AK3: variants seen among roughly 807,000 people sequenced by gnomAD.
AK3 encodes adenylate kinase 3.
AK3 carries 27 observed loss-of-function variants against 23.7 expected under a neutral mutation model. The observed-to-expected ratio is 1.14, with a 90% CI of 0.84 to 1.57. The LOEUF is 1.57. AK3 is among the 40% of genes most tolerant of loss of function. The pLI is 0.00. For synonymous variants in AK3, 159 were observed against 116.0 expected, an observed-to-expected ratio of 1.37 and a Z score of -2.38; for missense variants, 406 against 285.6, an observed-to-expected ratio of 1.42 and a Z score of -3.04.
At chr9:4,724,115 G>C (rs1190553995) in intron 1 of AK3, among the ~76,000 whole-genome samples, 1 of 152,200 alleles carries the variant, frequency 6.6e-6, no homozygotes, top group Non-Finnish European at 1.5e-5. Context: ...TGGATTTGCA[G>C]ACTGCACTTA....
chr9:4,719,435 G>A, intron 2 of AK3, 128 bp from the exon 3 acceptor site: 1 of 857,788 alleles, frequency 1.2e-6, no homozygotes, highest in South Asian at 1.9e-5. Context: ...AAAGGAATGA[G>A]GCTCACCAGG....
At chr9:4,727,008 T>G (rs759976253) in intron 1 of AK3, among the ~76,000 whole-genome samples, 1 of 152,140 alleles carries the variant, frequency 6.6e-6, no homozygotes, top group Non-Finnish European at 1.5e-5. Flanking sequence ...AGTAATACTT[T>G]CAAACGAATC....
chr9:4,740,046 G>C, intron 1 of AK3, among the ~76,000 whole-genome samples: 1 of 116,988 alleles, frequency 8.5e-6, no homozygotes, highest in South Asian at 2.8e-4. Context: ...CGTCTATCCT[G>C]TTTGCTATCC....
At chr9:4,723,377 ACTTT>A (rs1416640835) in intron 1 of AK3, among the ~76,000 whole-genome samples, 1 of 152,212 alleles carries the variant, frequency 6.6e-6, no homozygotes, top group Non-Finnish European at 1.5e-5. Flanking sequence ...TATTGGAGAG[ACTTT>A]TCCAATCCTG....
At position 4,730,031 on chromosome 9, in the gene AK3, CAT is replaced by C. The variant is rs149397633; in HGVS notation, c.152-7408_152-7407del. ...AATGAAGTACTGATACATGTTACAGCATAGATGAACCTTCAAACATGCTCAGT... is the reference window on the plus strand; with the variant it reads ...AATGAAGTACTGATACATGTTACAGCAGATGAACCTTCAAACATGCTCAGT... On this transcript the variant is annotated intron_variant, in intron 1 of 4. Coordinates refer to ENST00000381809, the MANE Select transcript of AK3 (RefSeq NM_016282.4). Among the ~76,000 whole-genome samples the C allele has an allele frequency of 6.3e-3, 953 of 152,158 alleles. 18 individuals carry two copies. Among genetic ancestry groups the C allele is most frequent in the African/African-American group, 0.022 (914 of 41,500 alleles).
intron 1 of AK3, among the ~76,000 whole-genome samples, chr9:4,728,034 A>G (rs1233172308): frequency 6.6e-6 from 1 of 152,216 alleles, no homozygotes; most frequent in African/African-American, 2.4e-5. Context: ...ATGGCACCCC[A>G]AAACAATTAT....
intron 2 of AK3, among the ~76,000 whole-genome samples, chr9:4,721,089 A>G (rs1841882980): frequency 2.0e-5 from 3 of 152,152 alleles, no homozygotes; most frequent in African/African-American, 7.2e-5. Flanking sequence ...ATTCTGAACC[A>G]TGCAACATAT....
chr9:4,722,381 T>C, intron 2 of AK3, 125 bp downstream of exon 2: 3 of 1,344,298 alleles, frequency 2.2e-6, no homozygotes, highest in South Asian at 1.4e-5. Flanking sequence ...GGTTTCAGGA[T>C]AGTCCCAAGC....
chr9:4,722,498 C>G lies in AK3; in HGVS notation c.271+8G>C. ...GGGCAGGTGAAATGCTCATGAGACT[C>G]CACTTACCATCCAACAGCCAGCTAT... is the stretch of plus-strand genomic sequence containing the variant. On this transcript the variant is annotated splice_region_variant and intron_variant, in intron 2 of 4. Coordinates refer to ENST00000381809, the MANE Select transcript of AK3 (RefSeq NM_016282.4). The G allele has an allele frequency of 6.2e-7, 1 of 1,614,114 alleles. No individual in the cohort carries two copies. The highest frequency in any genetic ancestry group is 8.5e-7 in the Non-Finnish European group (1 of 1,180,000).
At chr9:4,725,509 C>T (rs1232869558) in intron 1 of AK3, among the ~76,000 whole-genome samples, 1 of 151,996 alleles carries the variant, frequency 6.6e-6, no homozygotes, top group Non-Finnish European at 1.5e-5. Flanking sequence ...TGGCTCCTGC[C>T]TGTAATCCCA....
In AK3 at chr9:4,740,982, G is replaced by C; in HGVS notation, c.106C>G (p.Leu36Val). The C allele has an allele frequency of 6.3e-7, 1 of 1,589,524 alleles. No individual in the cohort carries two copies. The highest frequency in any genetic ancestry group is 8.5e-7 in the Non-Finnish European group (1 of 1,170,182). The change falls in exon 1 of 5, where the codon CTC (leucine) becomes GTC (valine). Residue 36 changes from leucine to valine, a missense_variant. Transcript: ENST00000381809. ...TCCCGGAGCAGGTCCCCGCTGGAGA[G>C]GTGCTTCAGCTCGAAGTGTGTAGTG... ...RITTHFELKH[L>V]SSGDLLRDNM...
intron 1 of AK3, among the ~76,000 whole-genome samples, chr9:4,722,953 G>A (rs1002595358): frequency 2.0e-5 from 3 of 152,144 alleles, no homozygotes; most frequent in Non-Finnish European, 4.4e-5. Flanking sequence ...CTACTTGGGG[G>A]TAGCTTGAAC....
In AK3 at chr9:4,740,799, C is replaced by T. The variant is rs939470353; in HGVS notation, c.151+138G>A. 5.2e-6 allele frequency: 6 copies of T among 1,144,348 alleles called. No homozygotes were observed. In the African/African-American group the frequency reaches 6.6e-5, roughly 13 times the overall value. The allele number at this position is 1,144,348 out of a possible 1,614,324, so 70.9% of individuals were successfully genotyped here. ...TTTTGGGGCGCAGTCGCTCAGCAGC[C>T]CGAGGTCTCTGTCCCGGGCGGCGGG... is the stretch of plus-strand genomic sequence containing the variant. On this transcript the variant is annotated intron_variant, in intron 1 of 4. Transcript: ENST00000381809.
rs189994739 is a variant in AK3 at position 4,718,673 on chromosome 9, G to T, written c.445-136C>A. 1.1e-3 allele frequency: 694 copies of T among 641,330 alleles called. 5 individuals are homozygous for T. The African/African-American group carries it at 0.011, about 10-fold the overall frequency. 39.7% of individuals were successfully genotyped at this position (641,330 alleles called of 1,614,324 possible). On this transcript the variant is annotated intron_variant, in intron 3 of 4. Transcript: ENST00000381809. ...AAATGTGCTAACTTTTAAAAAAATG[G>T]AATCCAACCTCAAAAGAGATCATCG...
At chr9:4,724,533 A>T (rs977393512) in intron 1 of AK3, among the ~76,000 whole-genome samples, 4 of 152,220 alleles carry the variant, frequency 2.6e-5, no homozygotes, top group Non-Finnish European at 5.9e-5. Context: ...AATAGAAAGC[A>T]TCCAGAAAAA....
chr9:4,734,826 G>C (rs1029087710), intron 1 of AK3, among the ~76,000 whole-genome samples: 1 of 152,148 alleles, frequency 6.6e-6, no homozygotes, highest in Non-Finnish European at 1.5e-5. Flanking sequence ...CGATAAAAAA[G>C]AATGAAGTAG....
Position 4,741,043 on chromosome 9 carries a change from G to A in AK3, c.45C>T (p.Ala15=). The change falls in exon 1 of 5, where the codon GCC becomes GCT. Residue 15 remains alanine (A), a synonymous_variant. Transcript: ENST00000381809. ...ACACGGTGCCCTTGCCCGAGCCCGGGGCCCCCATGATCACCGCTCGCAGCA... is the reference window on the plus strand; with the variant it reads ...ACACGGTGCCCTTGCCCGAGCCCGGAGCCCCCATGATCACCGCTCGCAGCA... ...ARLLRAVIMG[A]PGSGKGTVSS... The A allele has an allele frequency of 6.3e-7, 1 of 1,575,038 alleles. No individual in the cohort carries two copies. Among genetic ancestry groups the A allele is most frequent in the Non-Finnish European group, 8.6e-7 (1 of 1,163,164 alleles).
intron 4 of AK3, among the ~76,000 whole-genome samples, chr9:4,716,438 C>G (rs1841727010): frequency 6.6e-6 from 1 of 152,136 alleles, no homozygotes; most frequent in African/African-American, 2.4e-5. Context: ...TTTAACAACC[C>G]TATAAAGCAG....
chr9:4,713,072 GA>G lies in AK3; in HGVS notation c.587del (p.Phe196SerfsTer38). 1 of 1,613,664 alleles carries G rather than the reference GA, an allele frequency of 6.2e-7. No homozygotes were observed. The highest frequency in any genetic ancestry group is 8.5e-7 in the Non-Finnish European group (1 of 1,179,734). On this transcript the variant is annotated frameshift_variant, in exon 5 of 5. Coordinates refer to ENST00000381809, the MANE Select transcript of AK3 (RefSeq NM_016282.4). LOFTEE classifies it high-confidence loss of function. ...YYQKKGVLET[F>X]SGTETNKIWP... ...AAATCTTGTTGGTTTCTGTTCCGGA[GA>G]ATGTTTCCAGCACCCCTTTTTTCCT...
Sources: allele counts gnomAD v4.1 joint callset (sites outside exome capture counted in the v4.1 genomes callset), GRCh38; gene constraint gnomAD v4.1.1; transcripts MANE v1.5; gene names NCBI Gene and HGNC (gene_info 2026-07-23, HGNC 2026-07-21).